The following TMEM38A variants were observed in gnomAD, a reference collection of about 807,000 sequenced individuals.
TMEM38A encodes transmembrane protein 38A, also known as trimeric intracellular cation channel type A.
In TMEM38A, 17 loss-of-function variants were observed where a neutral mutation model predicts 28.6. That is an observed-to-expected ratio of 0.60 (90% CI 0.41 to 0.89). TMEM38A has a LOEUF of 0.89. Among genes scored for constraint, TMEM38A ranks in the 40% least tolerant of loss-of-function variants. The pLI, the probability that TMEM38A is intolerant of heterozygous loss-of-function variation, is 0.00. For synonymous variants in TMEM38A, 169 were observed against 166.1 expected (o/e 1.02, Z -0.14); for missense variants, 328 against 393.1 (o/e 0.83, Z 1.40).
intron 3 of TMEM38A, 26 bp downstream of exon 3, chr19:16,680,607 A>T: frequency 6.2e-7 from 1 of 1,605,500 alleles, no homozygotes; most frequent in Non-Finnish European, 8.5e-7. Flanking sequence ...ACAATGAAAA[A>T]TCATCCCAGT....
chr19:16,663,261 A>C (rs2086689803), intron 1 of TMEM38A, among the ~76,000 whole-genome samples: 1 of 151,376 alleles, frequency 6.6e-6, no homozygotes, highest in African/African-American at 2.4e-5. Flanking sequence ...AGCCTGGGCG[A>C]CAGAGCAAGA....
intron 2 of TMEM38A, 87 bp downstream of exon 2, chr19:16,680,227 G>A (rs888483955): frequency 2.6e-6 from 4 of 1,543,052 alleles, no homozygotes; most frequent in South Asian, 1.2e-5. Context: ...GGAGGAATTA[G>A]AATGCACCAG....
rs35226829 is a variant in TMEM38A at position 16,662,436 on chromosome 19, C to CTTTTTT, written c.124+1112_124+1117dup. 7.6e-3 allele frequency among the ~76,000 whole-genome samples: 577 copies of CTTTTTT among 75,630 alleles called. 2 individuals carry two copies. Among genetic ancestry groups the CTTTTTT allele is most frequent in the African/African-American group, 0.017 (308 of 18,268 alleles). The allele number at this position is 75,630 out of a possible 152,430, so 49.6% of individuals were successfully genotyped here. A position where few individuals can be genotyped will look rare whatever the true frequency, so the allele number is the denominator to read the frequency against. Reference sequence around the variant, plus strand: ...ATATAGTTATAAACGTAAATGCACGCTTTTTTTTTTTTTTTTTTTTTTGCG... The same window carrying CTTTTTT: ...ATATAGTTATAAACGTAAATGCACGCTTTTTTTTTTTTTTTTTTTTTTTTTTTTGCG... On this transcript the variant is annotated intron_variant, in intron 1 of 5. Transcript: ENST00000187762.
chr19:16,680,176 TG>T (rs1568316056), intron 2 of TMEM38A, 36 bp downstream of exon 2: 2 of 1,595,140 alleles, frequency 1.3e-6, no homozygotes, highest in Non-Finnish European at 1.7e-6. Flanking sequence ...CAGAGCCGGG[TG>T]GGGGAAACAA....
In TMEM38A at chr19:16,682,431, C is replaced by T. The variant is rs374302542; in HGVS notation, c.477C>T (p.Val159=). ...CACCCTGTCCTGTAGGTTCTGGTGT[C>T]GCCCTCATGTCCAACTTTGAGCAGC... ...IATGWVKGSG[V]ALMSNFEQLL... The change falls in exon 4 of 6, where the codon GTC becomes GTT. Residue 159 remains valine, a synonymous_variant. Coordinates refer to ENST00000187762, the MANE Select transcript of TMEM38A (RefSeq NM_024074.4). The T allele has an allele frequency of 1.1e-5, 18 of 1,613,924 alleles. No homozygotes were observed. The African/African-American group carries it at 1.2e-4, about 11-fold the overall frequency.
intron 1 of TMEM38A, among the ~76,000 whole-genome samples, chr19:16,663,601 T>C (rs553896031): frequency 1.7e-4 from 25 of 151,396 alleles, no homozygotes; most frequent in Non-Finnish European, 2.7e-4. Flanking sequence ...CCGCCTCTGC[T>C]CACTGCAAGC....
At chr19:16,673,975 C>T (rs139480849) in intron 1 of TMEM38A, among the ~76,000 whole-genome samples, 46 of 151,804 alleles carry the variant, frequency 3.0e-4, no homozygotes, top group Middle Eastern at 3.4e-3. Context: ...TGGTGGCACA[C>T]GTCTGTACTC....
intron 1 of TMEM38A, among the ~76,000 whole-genome samples, chr19:16,672,817 A>G (rs1335319238): frequency 6.6e-6 from 1 of 152,070 alleles, no homozygotes; most frequent in Non-Finnish European, 1.5e-5. Context: ...GTCTTTGTTG[A>G]TACATCTAAA....
intron 1 of TMEM38A, among the ~76,000 whole-genome samples, chr19:16,662,434 C>T (rs1467729970): frequency 1.7e-5 from 2 of 120,312 alleles, no homozygotes; most frequent in East Asian, 2.1e-4. Context: ...CGTAAATGCA[C>T]GCTTTTTTTT....
intron 1 of TMEM38A, among the ~76,000 whole-genome samples, chr19:16,678,725 A>G (rs979410948): frequency 2.8e-5 from 4 of 142,982 alleles, no homozygotes; most frequent in Non-Finnish European, 4.5e-5. Flanking sequence ...TGATTGCACC[A>G]CTGCGCTCCA....
chr19:16,663,029 C>T (rs755375208), intron 1 of TMEM38A, among the ~76,000 whole-genome samples: 31 of 151,828 alleles, frequency 2.0e-4, no homozygotes, highest in Non-Finnish European at 4.6e-4. Context: ...GCCTGTAATC[C>T]CAGCACTTTG....
intron 1 of TMEM38A, among the ~76,000 whole-genome samples, chr19:16,666,288 T>TG (rs1405278082): frequency 6.6e-6 from 1 of 151,962 alleles, no homozygotes; most frequent in Non-Finnish European, 1.5e-5. Context: ...CCATTTTTTT[T>TG]GTATTTTTAG....
intron 1 of TMEM38A, among the ~76,000 whole-genome samples, chr19:16,674,617 T>G (rs573328896): frequency 6.6e-6 from 1 of 151,762 alleles, no homozygotes; most frequent in Non-Finnish European, 1.5e-5. Flanking sequence ...CTGACCAACA[T>G]GGAGAAAACT....
At chr19:16,678,190 G>T (rs1749240856) in intron 1 of TMEM38A, among the ~76,000 whole-genome samples, 1 of 152,082 alleles carries the variant, frequency 6.6e-6, no homozygotes, top group African/African-American at 2.4e-5. Context: ...CAGCACTTTG[G>T]GAGGCCAAGG....
intron 1 of TMEM38A, among the ~76,000 whole-genome samples, chr19:16,679,302 T>G (rs889836952): frequency 8.0e-6 from 1 of 124,358 alleles, no homozygotes; most frequent in East Asian, 2.3e-4. Flanking sequence ...TGTGTGTATG[T>G]GTGTGTTTTA....
chr19:16,661,352 G>T lies in TMEM38A; in HGVS notation c.124+11G>T. On this transcript the variant is annotated intron_variant, in intron 1 of 5. Coordinates refer to ENST00000187762, the MANE Select transcript of TMEM38A (RefSeq NM_024074.4). This position sits in a 1 kb window ranked among gnomAD's most constrained non-coding sequence, Gnocchi z 6.5. ...TCAAGTATGAGCCAGGTGAGCCGGG[G>T]CGGGGGGCTGGAGGGGACCGGCAGC... 6.3e-7 allele frequency: 1 copy of T among 1,584,742 alleles called. No individual in the cohort carries two copies. The highest frequency in any genetic ancestry group is 1.4e-5 in the African/African-American group (1 of 73,366).
chr19:16,684,079 G>A (rs898012466), intron 4 of TMEM38A, among the ~76,000 whole-genome samples: 1 of 152,000 alleles, frequency 6.6e-6, no homozygotes, highest in Non-Finnish European at 1.5e-5. Flanking sequence ...GCTGTGATCC[G>A]AGATCCTGCC....
rs751511473 is a variant in TMEM38A at position 16,680,502 on chromosome 19, G to A, written c.387G>A (p.Lys129=). The A allele has an allele frequency of 1.2e-6, 2 of 1,614,106 alleles. No homozygotes were observed. The highest frequency in any genetic ancestry group is 3.3e-5 in the Admixed American group (2 of 59,996). ...TGAAGGAGGTGGTGCGAGTCCGCAA[G>A]ATCGCGGTGGGCATCCATCACGCCC... ...VAMKEVVRVR[K]IAVGIHHAHH... The change falls in exon 3 of 6, where the codon AAG becomes AAA. Residue 129 remains lysine (K), a synonymous_variant. Transcript: ENST00000187762.
Position 16,688,480 on chromosome 19 carries a change from C to T in TMEM38A, c.*109C>T. The T allele has an allele frequency of 1.1e-6, 1 of 886,994 alleles. No homozygotes were observed. Among genetic ancestry groups the T allele is most frequent in the Non-Finnish European group, 1.6e-6 (1 of 637,374 alleles). 54.9% of individuals were successfully genotyped at this position (886,994 alleles called of 1,614,324 possible). A position where few individuals can be genotyped will look rare whatever the true frequency, so the allele number is the denominator to read the frequency against. ...TTCCTGGCCTTGACTTCCCCATCTGCAAATCAGGGTCATTGGCTCACCCTC... is the reference window on the plus strand; with the variant it reads ...TTCCTGGCCTTGACTTCCCCATCTGTAAATCAGGGTCATTGGCTCACCCTC... On this transcript the variant is annotated 3_prime_UTR_variant, in exon 6 of 6. Transcript: ENST00000187762.
Sources: gnomAD v4.1 joint callset for allele counts (sites outside exome capture counted in the v4.1 genomes callset) on GRCh38, gnomAD v4.1.1 for gene constraint, Gnocchi (gnomAD v3.1) non-coding constraint, MANE v1.5 for transcripts, NCBI Gene and HGNC (gene_info 2026-07-23, HGNC 2026-07-21) for gene names.